Variants in RANBP2 observed in about 807,000 individuals in gnomAD.
RANBP2 encodes the protein E3 SUMO-protein ligase RanBP2.
A neutral mutation model predicts 303.6 loss-of-function variants in RANBP2; 57 were observed. The ratio of observed to expected loss-of-function variants is 0.19; its 90% CI spans 0.15 to 0.23. The LOEUF (loss-of-function observed/expected upper bound fraction) is 0.23. Among genes scored for constraint, RANBP2 ranks in the 10% least tolerant of loss-of-function variants. The pLI, the probability that RANBP2 is intolerant of heterozygous loss-of-function variation, is 1.00. For synonymous variants in RANBP2, 1,167 were observed against 1,301.5 expected (o/e 0.90, Z 2.23); for missense variants, 3,138 against 3,780.8 (o/e 0.83, Z 4.46).
At chr2:109,613,056 G>A in the RANBP2 span, 1 of 562,266 alleles carries the variant, frequency 1.8e-6, no homozygotes, top group Non-Finnish European at 3.1e-6. Context: ...GGGAGAATTT[G>A]TTTTTAAGAA....
the RANBP2 span, among the ~76,000 whole-genome samples, chr2:108,952,470 T>C: frequency 1.3e-5 from 2 of 152,254 alleles, no homozygotes; most frequent in Non-Finnish European, 2.9e-5. Context: ...TTTAATTCAC[T>C]GCTTCTCTCT....
chr2:109,726,473 G>A, the RANBP2 span, among the ~76,000 whole-genome samples: 1 of 151,986 alleles, frequency 6.6e-6, no homozygotes, highest in East Asian at 1.9e-4. Context: ...TGGAGGTGAT[G>A]ATGCCCCCTC....
the RANBP2 span, among the ~76,000 whole-genome samples, chr2:109,439,069 G>T: frequency 2.6e-5 from 4 of 152,090 alleles, no homozygotes; most frequent in Admixed American, 6.5e-5. Flanking sequence ...TGCTAGAAAC[G>T]TTCCCAATTC....
At chr2:109,422,906 A>G in the RANBP2 span, among the ~76,000 whole-genome samples, 9 of 152,146 alleles carry the variant, frequency 5.9e-5, no homozygotes, top group African/African-American at 2.2e-4. Flanking sequence ...CATCACCTAC[A>G]GCAATGGAGG....
At chr2:109,373,132 A>T in the RANBP2 span, among the ~76,000 whole-genome samples, 2 of 151,476 alleles carry the variant, frequency 1.3e-5, no homozygotes, top group African/African-American at 2.4e-5. Context: ...ACACACACAC[A>T]CTCTCCTGTA....
chr2:108,766,118 A>C lies in RANBP2; in HGVS notation c.5579A>C (p.Lys1860Thr), dbSNP rs776428358. 2.2e-5 allele frequency: 35 copies of C among 1,613,992 alleles called. No individual in the cohort carries two copies. The South Asian group carries it at 3.5e-4, about 16-fold the overall frequency. Reference protein sequence around the residue: ...SKFGNTEQGFKFGHVDQENSP... With the variant: ...SKFGNTEQGFTFGHVDQENSP... The stretch of plus-strand genomic sequence containing the variant: ...TTTGGCAATACAGAGCAAGGATTCA[A>C]ATTTGGGCATGTGGATCAAGAAAAT... Residue 1860 changes from lysine (K) to threonine (T), a missense_variant, in exon 20 of 29, where the codon AAA (lysine) becomes ACA (threonine). Physicochemically the swap from Lys to Thr is moderately conservative, Grantham distance 78 (BLOSUM62 -1). Coordinates refer to ENST00000283195, the MANE Select transcript of RANBP2 (RefSeq NM_006267.5).
At chr2:109,287,527 A>G in the RANBP2 span, among the ~76,000 whole-genome samples, 1 of 152,150 alleles carries the variant, frequency 6.6e-6, no homozygotes, top group South Asian at 2.1e-4. Flanking sequence ...GGTGACTTCC[A>G]TGCACCCTGC....
the RANBP2 span, among the ~76,000 whole-genome samples, chr2:109,083,431 C>T: frequency 1.3e-5 from 2 of 152,186 alleles, no homozygotes; most frequent in Non-Finnish European, 2.9e-5. Context: ...CAGAGCATCA[C>T]GGCCTCCAGC....
At chr2:109,765,279 C>G in the RANBP2 span, among the ~76,000 whole-genome samples, 1 of 146,348 alleles carries the variant, frequency 6.8e-6, no homozygotes, top group Admixed American at 7.2e-5. Context: ...TGCCACCCAC[C>G]ACCCCTTGAA....
At chr2:108,981,279 C>T in the RANBP2 span, among the ~76,000 whole-genome samples, 4 of 152,202 alleles carry the variant, frequency 2.6e-5, no homozygotes, top group Non-Finnish European at 4.4e-5. Context: ...CTGCCGCCAG[C>T]ATTCTTTCCA....
At chr2:109,434,000 G>A in the RANBP2 span, among the ~76,000 whole-genome samples, 2 of 149,344 alleles carry the variant, frequency 1.3e-5, no homozygotes, top group African/African-American at 2.6e-5. Flanking sequence ...GCGCAGCCCC[G>A]AAGAAGGTCT....
At position 108,740,428 on chromosome 2, in the gene RANBP2, A is replaced by T. The variant is rs537018827; in HGVS notation, c.783-61A>T. 1,185 of 1,595,606 alleles carry T rather than the reference A, an allele frequency of 7.4e-4. 17 individuals are homozygous for T. The South Asian group carries it at 8.9e-3, about 12-fold the overall frequency. ...TTTTTATTTTGTTTTGAATTAAATA[A>T]ACCATGATTATTCACAGTGCAGTAA... On this transcript the variant is annotated intron_variant, in intron 6 of 28. Transcript: ENST00000283195.
the RANBP2 span, among the ~76,000 whole-genome samples, chr2:108,985,459 T>G: frequency 1.3e-5 from 2 of 152,268 alleles, no homozygotes; most frequent in East Asian, 3.8e-4. Flanking sequence ...TGCATCTTCC[T>G]CTGTAGGGCT....
chr2:109,573,081 C>G, the RANBP2 span, among the ~76,000 whole-genome samples: 1 of 152,178 alleles, frequency 6.6e-6, no homozygotes, highest in African/African-American at 2.4e-5. Context: ...TAGGCTCTTA[C>G]TGGGTATGCC....
At chr2:109,545,257 A>G in the RANBP2 span, 1 of 1,379,078 alleles carries the variant, frequency 7.3e-7, no homozygotes, top group African/African-American at 1.5e-5. Context: ...CAAGAGCCAA[A>G]TAGTTAAACC....
chr2:109,171,507 G>C, the RANBP2 span, among the ~76,000 whole-genome samples: 4 of 152,224 alleles, frequency 2.6e-5, no homozygotes, highest in Admixed American at 2.0e-4. Flanking sequence ...TGCTGGGCTC[G>C]CGGGTATGGT....
chr2:109,356,311 C>T, the RANBP2 span, among the ~76,000 whole-genome samples: 3 of 152,122 alleles, frequency 2.0e-5, no homozygotes, highest in Non-Finnish European at 4.4e-5. Context: ...CCAGAATTTC[C>T]CACATTGATA....
the RANBP2 span, among the ~76,000 whole-genome samples, chr2:109,712,974 C>T: frequency 6.6e-6 from 1 of 151,952 alleles, no homozygotes; most frequent in Non-Finnish European, 1.5e-5. Context: ...GGGGATGGTA[C>T]CTGAGACAAG....
chr2:109,650,620 G>A, the RANBP2 span, among the ~76,000 whole-genome samples: 10 of 152,206 alleles, frequency 6.6e-5, no homozygotes, highest in Admixed American at 2.0e-4. Flanking sequence ...TGTGTTGTGG[G>A]AGGGACCCAG....
Sources: allele counts gnomAD v4.1 joint callset (sites outside exome capture counted in the v4.1 genomes callset), GRCh38; gene constraint gnomAD v4.1.1; transcripts MANE v1.5; gene names NCBI Gene and HGNC (gene_info 2026-07-23, HGNC 2026-07-21).